The following SUFU variants were observed in gnomAD, a reference collection of about 807,000 sequenced individuals.
SUFU encodes suppressor of fused homolog.
A neutral mutation model predicts 58.9 loss-of-function variants in SUFU; 7 were observed. That is an observed-to-expected ratio of 0.12 (90% CI 0.07 to 0.22). The LOEUF (loss-of-function observed/expected upper bound fraction) is 0.22, where lower values mean the gene tolerates loss of function less well. SUFU is among the 10% of genes least tolerant of loss of function. The probability of loss-of-function intolerance (pLI) is 1.00; values close to 1 mark genes in which losing one functional copy is unlikely to be tolerated. For synonymous variants in SUFU, 232 were observed against 254.8 expected (o/e 0.91, Z 0.85); for missense variants, 451 against 641.3 (o/e 0.70, Z 3.20).
intron 2 of SUFU, among the ~76,000 whole-genome samples, chr10:102,517,954 T>C (rs2062493800): frequency 6.6e-6 from 1 of 152,078 alleles, no homozygotes; most frequent in Admixed American, 6.6e-5. Flanking sequence ...CCCTTAAAAA[T>C]GCAGCATGTG....
At chr10:102,557,123 G>T (rs2062989656) in intron 3 of SUFU, among the ~76,000 whole-genome samples, 1 of 151,738 alleles carries the variant, frequency 6.6e-6, no homozygotes, top group Non-Finnish European at 1.5e-5. Context: ...TGCACTTGTG[G>T]TCTCAGCTAC....
intron 1 of SUFU, among the ~76,000 whole-genome samples, chr10:102,506,683 G>A (rs1411767835): frequency 6.6e-6 from 1 of 152,188 alleles, no homozygotes; most frequent in Admixed American, 6.5e-5. Flanking sequence ...CCAGCCATCA[G>A]TGACTGGTAC....
intron 8 of SUFU, among the ~76,000 whole-genome samples, chr10:102,611,272 G>C (rs2063619450): frequency 6.6e-6 from 1 of 152,242 alleles, no homozygotes; most frequent in Admixed American, 6.5e-5. Flanking sequence ...GATGGATTCA[G>C]CTCGCTCTGG....
At chr10:102,545,155 G>A (rs1014785503) in intron 2 of SUFU, among the ~76,000 whole-genome samples, 5 of 151,192 alleles carry the variant, frequency 3.3e-5, no homozygotes, top group Non-Finnish European at 4.4e-5. Context: ...GTCACCCAGG[G>A]TGGAGTGCAG....
intron 3 of SUFU, among the ~76,000 whole-genome samples, chr10:102,568,909 TATATATATATACAC>T (rs1445133968): frequency 0.12 from 1,028 of 8,654 alleles, 83 homozygotes; most frequent in African/African-American, 0.26. Flanking sequence ...TATATATATA[TATATATATATACAC>T]ATATATATAT....
At chr10:102,566,029 A>T (rs936503985) in intron 3 of SUFU, among the ~76,000 whole-genome samples, 3 of 152,232 alleles carry the variant, frequency 2.0e-5, no homozygotes, top group Non-Finnish European at 4.4e-5. Context: ...ACTGGCAAGC[A>T]GAGATTGCCG....
chr10:102,570,264 C>T (rs917795727), intron 3 of SUFU, among the ~76,000 whole-genome samples: 1 of 151,172 alleles, frequency 6.6e-6, no homozygotes, highest in Non-Finnish European at 1.5e-5. Context: ...TTTATTGAGA[C>T]GGAGTCTTGT....
intron 7 of SUFU, among the ~76,000 whole-genome samples, chr10:102,598,836 C>A (rs1431219590): frequency 6.6e-6 from 1 of 152,178 alleles, no homozygotes. Context: ...AGCAAAGCAC[C>A]TTACAAAGAA....
At chr10:102,568,855 C>A (rs2063120689) in intron 3 of SUFU, among the ~76,000 whole-genome samples, 1 of 89,058 alleles carries the variant, frequency 1.1e-5, no homozygotes, top group Admixed American at 1.5e-4. Flanking sequence ...GCCTGGGCGA[C>A]AAGAGCAAAA....
chr10:102,576,881 T>C (rs11814025), intron 3 of SUFU, among the ~76,000 whole-genome samples: 6,824 of 152,078 alleles, frequency 0.045, 502 homozygotes, highest in African/African-American at 0.16. Flanking sequence ...GACTAATTTT[T>C]AAATTTTTTT....
intron 3 of SUFU, among the ~76,000 whole-genome samples, chr10:102,588,363 A>G (rs1053657942): frequency 6.6e-6 from 1 of 151,038 alleles, no homozygotes; most frequent in Non-Finnish European, 1.5e-5. Context: ...ACTACACTCC[A>G]GCCTGGGCGA....
chr10:102,573,633 T>G (rs1454027509), intron 3 of SUFU, among the ~76,000 whole-genome samples: 3 of 152,258 alleles, frequency 2.0e-5, no homozygotes, highest in African/African-American at 7.2e-5. Context: ...GGAATATTAC[T>G]CAGCCTTAAT....
At chr10:102,511,423 GAA>G (rs2062399796) in intron 2 of SUFU, among the ~76,000 whole-genome samples, 1 of 152,088 alleles carries the variant, frequency 6.6e-6, no homozygotes, top group Non-Finnish European at 1.5e-5. Flanking sequence ...TGGGCAGGTT[GAA>G]AGAGTAGCAG....
chr10:102,526,631 G>A (rs2062611413), intron 2 of SUFU, among the ~76,000 whole-genome samples: 1 of 152,158 alleles, frequency 6.6e-6, no homozygotes, highest in Non-Finnish European at 1.5e-5. Context: ...GAGGTGGGTG[G>A]GGAGGATGCT....
chr10:102,601,727 G>T (rs754740803), intron 8 of SUFU, among the ~76,000 whole-genome samples: 1 of 152,198 alleles, frequency 6.6e-6, no homozygotes, highest in African/African-American at 2.4e-5. Flanking sequence ...ATCAGTGAGC[G>T]TGACGGTAAT....
intron 3 of SUFU, among the ~76,000 whole-genome samples, chr10:102,587,151 C>T (rs2063343075): frequency 1.3e-5 from 2 of 152,184 alleles, no homozygotes; most frequent in Non-Finnish European, 2.9e-5. Flanking sequence ...GTGAATAATG[C>T]TGCTGTGAAC....
chr10:102,518,854 G>A (rs1260472397), intron 2 of SUFU, among the ~76,000 whole-genome samples: 1 of 151,524 alleles, frequency 6.6e-6, no homozygotes, highest in East Asian at 2.0e-4. Flanking sequence ...TAAAGAAAGG[G>A]TCTGGCCGGG....
chr10:102,528,792 T>C (rs1786714427), intron 2 of SUFU, among the ~76,000 whole-genome samples: 1 of 152,070 alleles, frequency 6.6e-6, no homozygotes, highest in South Asian at 2.1e-4. Context: ...AACCATCTAC[T>C]TGAGTGGGGC....
intron 2 of SUFU, among the ~76,000 whole-genome samples, chr10:102,524,108 G>A (rs2062580804): frequency 6.6e-6 from 1 of 151,944 alleles, no homozygotes; most frequent in South Asian, 2.1e-4. Flanking sequence ...ATTTAAAAAG[G>A]AAATCCTGCA....
Sources: allele counts gnomAD v4.1 joint callset (sites outside exome capture counted in the v4.1 genomes callset), GRCh38; gene constraint gnomAD v4.1.1; transcripts MANE v1.5; gene names NCBI Gene and HGNC (gene_info 2026-07-23, HGNC 2026-07-21).